ZHX1: variants seen among roughly 807,000 people sequenced by gnomAD.
The protein encoded by ZHX1 is zinc fingers and homeoboxes 1.
In ZHX1, 20 loss-of-function variants were observed where a neutral mutation model predicts 61.8. The ratio of observed to expected loss-of-function variants is 0.32; its 90% confidence interval spans 0.23 to 0.47. The LOEUF is 0.47. Ranked by LOEUF, ZHX1 falls within the 20% of genes least tolerant of loss-of-function variation. The pLI, the probability that ZHX1 is intolerant of heterozygous loss-of-function variation, is 1.00. For synonymous variants in ZHX1, 318 were observed against 352.6 expected, an observed-to-expected ratio of 0.90 and a Z score of 1.10; for missense variants, 800 against 1,034.8, an observed-to-expected ratio of 0.77 and a Z score of 3.11.
chr8:123,264,887 G>T (rs537475088), intron 2 of ZHX1, among the ~76,000 whole-genome samples: 2 of 149,148 alleles, frequency 1.3e-5, no homozygotes, highest in Admixed American at 1.3e-4. Flanking sequence ...AACAATTCTG[G>T]GTCAAATAAG....
chr8:123,261,927 G>C (rs1826284255), intron 2 of ZHX1, among the ~76,000 whole-genome samples: 3 of 152,066 alleles, frequency 2.0e-5, no homozygotes, highest in Non-Finnish European at 4.4e-5. Context: ...ATCTCCCTTT[G>C]TCATTAAAGT....
In ZHX1 at chr8:123,254,454, A is replaced by G. The variant is rs1206785997; in HGVS notation, c.1493T>C (p.Met498Thr). The G allele has an allele frequency of 1.1e-5, 17 of 1,614,022 alleles. No homozygotes were observed. The highest frequency in any genetic ancestry group is 1.6e-4 in the Middle Eastern group (1 of 6,082). The change falls in exon 3 of 4, where the codon ATG becomes ACG. Residue 498 changes from methionine (M) to threonine (T), a missense_variant. By Grantham distance (81) the Met-to-Thr change is moderately conservative. Transcript: ENST00000395571. The surrounding 1 kb of genome is among the most constrained non-coding windows in gnomAD (Gnocchi z 4.1). ...FPHDSEIIRLMKITGLTKGEI... is the reference protein window; with the variant it reads ...FPHDSEIIRLTKITGLTKGEI... ...TCCTTTCGTCAGGCCTGTTATTTTC[A>G]TAAGTCTGATAATTTCTGAATCATG...
intron 2 of ZHX1, among the ~76,000 whole-genome samples, chr8:123,257,700 G>C (rs561802696): frequency 3.3e-5 from 5 of 152,306 alleles, no homozygotes; most frequent in African/African-American, 1.2e-4. Flanking sequence ...TCACAATAGG[G>C]TTGTGCTCCT....
In ZHX1 at chr8:123,255,727, ATT is replaced by A; in HGVS notation, c.218_219del (p.Lys73IlefsTer42). The A allele has an allele frequency of 6.2e-7, 1 of 1,613,838 alleles. No homozygotes were observed. The highest frequency in any genetic ancestry group is 8.5e-7 in the Non-Finnish European group (1 of 1,179,948). On this transcript the variant is annotated frameshift_variant, in exon 3 of 4. Coordinates refer to ENST00000395571, the MANE Select transcript of ZHX1 (RefSeq NM_007222.5). LOFTEE classifies it high-confidence loss of function. ...NKKVEGGYEC[K>X]YCTFQTPDLN... ...AGATCTGGAGTTTGAAAAGTACAAT[ATT>A]TACATTCATATCCACCTTCAACTTT...
In ZHX1 at chr8:123,263,947, G is replaced by C. The variant is rs532495178; in HGVS notation, c.-226+3326C>G. Reference sequence around the variant, plus strand: ...AAACAATTGTGCTTGATTTACTATAGATTACTTTCGATGGTAAAATTCTTA... The same window carrying C: ...AAACAATTGTGCTTGATTTACTATACATTACTTTCGATGGTAAAATTCTTA... On this transcript the variant is annotated intron_variant, in intron 2 of 3. Coordinates refer to ENST00000395571, the MANE Select transcript of ZHX1 (RefSeq NM_007222.5). 6.6e-5 allele frequency among the ~76,000 whole-genome samples: 10 copies of C among 152,146 alleles called. No homozygotes were observed. In the South Asian group the frequency reaches 1.0e-3, roughly 16 times the overall value.
At chr8:123,269,131 C>G (rs1469273802) in intron 1 of ZHX1, among the ~76,000 whole-genome samples, 1 of 152,186 alleles carries the variant, frequency 6.6e-6, no homozygotes, top group African/African-American at 2.4e-5. Flanking sequence ...AGCCATCAAT[C>G]TACAGGATGT....
chr8:123,266,665 G>T (rs1826470186), intron 2 of ZHX1, among the ~76,000 whole-genome samples: 1 of 152,042 alleles, frequency 6.6e-6, no homozygotes, highest in South Asian at 2.1e-4. Context: ...ATGTGCCAGT[G>T]TCATAACAAG....
intron 2 of ZHX1, among the ~76,000 whole-genome samples, chr8:123,260,510 A>G (rs1256085382): frequency 6.6e-6 from 1 of 151,318 alleles, no homozygotes; most frequent in East Asian, 2.0e-4. Flanking sequence ...AGGCAGGAGA[A>G]TCACTTGAAC....
Position 123,255,567 on chromosome 8 carries a change from C to G in ZHX1, c.380G>C (p.Gly127Ala). The G allele has an allele frequency of 6.2e-7, 1 of 1,613,028 alleles. No individual in the cohort carries two copies. The highest frequency in any genetic ancestry group is 2.2e-5 in the East Asian group (1 of 44,870). Residue 127 changes from glycine to alanine, a missense_variant, in exon 3 of 4, where the codon GGA becomes GCA. Gly to Ala is a moderately conservative substitution (Grantham distance 60, BLOSUM62 0). Transcript: ENST00000395571. ...CATAGTCAACTTAAAATTCTCTTCT[C>G]CTGGGTGATATTTCAGATTATGCTC... ...LSEHNLKYHP[G>A]EENFKLTMVK...
chr8:123,249,172 G>A lies in ZHX1; in HGVS notation c.*1152C>T, dbSNP rs1022844584. On this transcript the variant is annotated 3_prime_UTR_variant, in exon 4 of 4. Transcript: ENST00000395571. ...TAATTAAACTGAACATTTCTTCTAC[G>A]AAGAAAGCGCATTTTGAAAAATGGT... 3.9e-5 allele frequency: 6 copies of A among 152,458 alleles called. No individual in the cohort carries two copies. Among genetic ancestry groups the A allele is most frequent in the East Asian group, 1.9e-4 (1 of 5,202 alleles). 9.4% of individuals were successfully genotyped at this position (152,458 alleles called of 1,614,324 possible).
Position 123,267,319 on chromosome 8 carries a change from C to T in ZHX1, c.-272G>A. The T allele has an allele frequency of 6.5e-7, 1 of 1,528,938 alleles. No homozygotes were observed. Among genetic ancestry groups the T allele is most frequent in the Non-Finnish European group, 8.8e-7 (1 of 1,142,084 alleles). The allele number at this position is 1,528,938 out of a possible 1,614,324, so 94.7% of individuals were successfully genotyped here. Reference sequence around the variant, plus strand: ...TCTGTTCTTTGAAATGGAAGGGTATCCCTTCTAGTTAGATGTTTAGCTCAG... The same window carrying T: ...TCTGTTCTTTGAAATGGAAGGGTATTCCTTCTAGTTAGATGTTTAGCTCAG... On this transcript the variant is annotated 5_prime_UTR_variant, in exon 2 of 4. Coordinates refer to ENST00000395571, the MANE Select transcript of ZHX1 (RefSeq NM_007222.5).
At position 123,250,271 on chromosome 8, in the gene ZHX1, A is replaced by C. The variant is rs1301120620; in HGVS notation, c.*53T>G. On this transcript the variant is annotated 3_prime_UTR_variant, in exon 4 of 4. Transcript: ENST00000395571. ...CAAAGATTGGGCAAATTCACAGTAA[A>C]TCAGACATCTTGAGTTGAAGAATTG... 1 of 449,364 alleles carries C rather than the reference A, an allele frequency of 2.2e-6. No individual in the cohort carries two copies. The allele number at this position is 449,364 out of a possible 1,614,324, so 27.8% of individuals were successfully genotyped here.
chr8:123,255,986 C>T lies in ZHX1; in HGVS notation c.-40G>A. ...GAAAAGCTCAGTGGTGATTAAAAAG[C>T]ATCGAGGCTTAAAACTGTTCAGTGT... is the stretch of plus-strand genomic sequence containing the variant. On this transcript the variant is annotated 5_prime_UTR_variant, in exon 3 of 4. An upstream start codon of the reference 5' UTR is lost. Transcript: ENST00000395571. 1 of 1,541,252 alleles carries T rather than the reference C, an allele frequency of 6.5e-7. No homozygotes were observed. The highest frequency in any genetic ancestry group is 8.7e-7 in the Non-Finnish European group (1 of 1,143,718).
At chr8:123,269,139 T>G (rs1586834002) in intron 1 of ZHX1, among the ~76,000 whole-genome samples, 1 of 152,200 alleles carries the variant, frequency 6.6e-6, no homozygotes, top group East Asian at 1.9e-4. Flanking sequence ...ATCTACAGGA[T>G]GTGGACTAGA....
At position 123,254,622 on chromosome 8, in the gene ZHX1, G is replaced by A. The variant is rs147221349; in HGVS notation, c.1325C>T (p.Pro442Leu). ...PAAQPTAETK[P>L]ATAAVPTSQS... ...AGAAGTTGGAACTGCTGCTGTTGCT[G>A]GCTTTGTTTCTGCAGTAGGCTGAGC... Residue 442 changes from proline (P) to leucine (L), a missense_variant, in exon 3 of 4, where the codon CCA (proline) becomes CTA (leucine). Transcript: ENST00000395571. The surrounding 1 kb of genome is among the most constrained non-coding windows in gnomAD (Gnocchi z 4.1). 7.3e-4 allele frequency: 1,178 copies of A among 1,614,126 alleles called. No homozygotes were observed. The highest frequency in any genetic ancestry group is 9.4e-4 in the Non-Finnish European group (1,112 of 1,180,016).
At chr8:123,265,319 T>A (rs951583918) in intron 2 of ZHX1, among the ~76,000 whole-genome samples, 2 of 152,116 alleles carry the variant, frequency 1.3e-5, no homozygotes, top group African/African-American at 4.8e-5. Context: ...CCTTGGAATC[T>A]GCATTTGTAT....
intron 1 of ZHX1, among the ~76,000 whole-genome samples, chr8:123,269,484 G>T (rs1826571212): frequency 6.6e-6 from 1 of 152,168 alleles, no homozygotes; most frequent in Non-Finnish European, 1.5e-5. Flanking sequence ...AAAAATTAAA[G>T]AGCTCATCTC....
intron 1 of ZHX1, among the ~76,000 whole-genome samples, chr8:123,267,721 G>A (rs1826503271): frequency 1.3e-5 from 2 of 152,158 alleles, no homozygotes; most frequent in African/African-American, 4.8e-5. Context: ...GAGTATACCG[G>A]CCGGGCGCGG....
At chr8:123,270,299 G>GTCTTTTT (rs1826602618) in intron 1 of ZHX1, among the ~76,000 whole-genome samples, 2 of 152,152 alleles carry the variant, frequency 1.3e-5, no homozygotes, top group East Asian at 3.9e-4. Flanking sequence ...AGACTTTTAA[G>GTCTTTTT]AAGGGGAAAA....
Sources: gnomAD v4.1 joint callset for allele counts (sites outside exome capture counted in the v4.1 genomes callset) on GRCh38, gnomAD v4.1.1 for gene constraint, Gnocchi (gnomAD v3.1) non-coding constraint, MANE v1.5 for transcripts, NCBI Gene and HGNC (gene_info 2026-07-23, HGNC 2026-07-21) for gene names.